EIF3H: variants seen among roughly 807,000 people sequenced by gnomAD.
EIF3H encodes eIF-3-gamma.
Under a neutral mutation model 44.2 loss-of-function variants are expected in EIF3H, and 26 were observed. That is an observed-to-expected ratio of 0.59 (90% CI 0.43 to 0.82). The LOEUF (loss-of-function observed/expected upper bound fraction) is 0.82, where lower values mean the gene tolerates loss of function less well. EIF3H is among the 40% of genes least tolerant of loss of function. EIF3H has a pLI of 0.00. For missense variants in EIF3H, 359 were observed against 432.8 expected, an observed-to-expected ratio of 0.83 and a Z score of 1.51; for synonymous variants, 166 against 151.9, an observed-to-expected ratio of 1.09 and a Z score of -0.68.
intron 2 of EIF3H, among the ~76,000 whole-genome samples, chr8:116,710,563 AATTTAAT>A (rs1424587959): frequency 6.6e-6 from 1 of 152,232 alleles, no homozygotes; most frequent in Non-Finnish European, 1.5e-5. Flanking sequence ...TCTGGTGTTA[AATTTAAT>A]ATCATTTGAT....
chr8:116,752,680 G>GAAAGAA (rs1309895049), intron 1 of EIF3H, among the ~76,000 whole-genome samples: 1 of 91,040 alleles, frequency 1.1e-5, no homozygotes, highest in Admixed American at 1.1e-4. Flanking sequence ...AAGAAAGAAA[G>GAAAGAA]AAAGAAAGAA....
chr8:116,762,599 G>A (rs1425953501), intron 1 of EIF3H, among the ~76,000 whole-genome samples: 1 of 152,162 alleles, frequency 6.6e-6, no homozygotes, highest in African/African-American at 2.4e-5. Flanking sequence ...ACATATCTTT[G>A]GCTAGAACTT....
intron 2 of EIF3H, among the ~76,000 whole-genome samples, chr8:116,715,708 A>G (rs2130907832): frequency 6.6e-6 from 1 of 152,266 alleles, no homozygotes; most frequent in East Asian, 1.9e-4. Context: ...TGTTTAATTC[A>G]GTGCACTTTA....
chr8:116,735,275 A>G (rs1671648771), intron 1 of EIF3H, among the ~76,000 whole-genome samples: 1 of 152,254 alleles, frequency 6.6e-6, no homozygotes, highest in Non-Finnish European at 1.5e-5. Flanking sequence ...AACTTGGCTG[A>G]GCCACGAAAG....
intron 5 of EIF3H, among the ~76,000 whole-genome samples, chr8:116,650,270 T>C (rs912786921): frequency 6.6e-6 from 1 of 152,140 alleles, no homozygotes; most frequent in Non-Finnish European, 1.5e-5. Flanking sequence ...AAAACACTCA[T>C]ACACTGGGAG....
intron 1 of EIF3H, among the ~76,000 whole-genome samples, chr8:116,736,656 C>T (rs963040153): frequency 2.6e-5 from 4 of 151,582 alleles, no homozygotes; most frequent in African/African-American, 9.7e-5. Context: ...AGCAAGACTC[C>T]GTCTCACAAA....
In EIF3H at chr8:116,755,823, G is replaced by C. The variant is rs776513470; in HGVS notation, c.-26C>G. ...CTTTCCAAGCAGACAGGAAGAAAGA[G>C]AAACGTGAGTTACCGGAAGCGGAAG... On this transcript the variant is annotated 5_prime_UTR_variant, in exon 1 of 8. Coordinates refer to ENST00000521861, the MANE Select transcript of EIF3H (RefSeq NM_003756.3). 1.2e-6 allele frequency: 2 copies of C among 1,610,786 alleles called. No individual in the cohort carries two copies. Among genetic ancestry groups the C allele is most frequent in the Non-Finnish European group, 1.7e-6 (2 of 1,179,872 alleles).
Position 116,726,017 on chromosome 8 carries a change from T to C in EIF3H, c.288A>G (p.Glu96=). 1 of 1,613,500 alleles carries C rather than the reference T, an allele frequency of 6.2e-7. No homozygotes were observed. The highest frequency in any genetic ancestry group is 8.5e-7 in the Non-Finnish European group (1 of 1,179,614). Reference sequence around the variant, plus strand: ...CACACTTGTGATGAACACCCTTACCTTCATCAAAGTCAGCATCATCCTCTG... The same window carrying C: ...CACACTTGTGATGAACACCCTTACCCTCATCAAAGTCAGCATCATCCTCTG... ...QHTEDDADFD[E]VQYQMEMMRS... is the part of the protein sequence containing the mutation. The change falls in exon 2 of 8, where the codon GAA becomes GAG. Residue 96 remains glutamate, a splice_region_variant and synonymous_variant. Transcript: ENST00000521861.
intron 1 of EIF3H, among the ~76,000 whole-genome samples, chr8:116,728,146 T>C (rs550983315): frequency 2.6e-5 from 4 of 152,236 alleles, no homozygotes; most frequent in East Asian, 1.9e-4. Flanking sequence ...AAACCAATTA[T>C]GAAAGAAAAA....
intron 2 of EIF3H, among the ~76,000 whole-genome samples, chr8:116,708,318 A>T (rs1814507580): frequency 6.6e-6 from 1 of 151,972 alleles, no homozygotes; most frequent in African/African-American, 2.4e-5. Flanking sequence ...ATTATTATTT[A>T]TTATTACTAT....
At chr8:116,669,328 G>A (rs946569085) in intron 2 of EIF3H, among the ~76,000 whole-genome samples, 1 of 152,154 alleles carries the variant, frequency 6.6e-6, no homozygotes, top group Non-Finnish European at 1.5e-5. Flanking sequence ...TACCATATAA[G>A]TTTCTATCTC....
At chr8:116,704,650 A>G (rs552120505) in intron 2 of EIF3H, among the ~76,000 whole-genome samples, 1 of 152,358 alleles carries the variant, frequency 6.6e-6, no homozygotes, top group South Asian at 2.1e-4. Flanking sequence ...CTCGGCGTCA[A>G]TAATCAGATA....
In EIF3H at chr8:116,644,738, C is replaced by T. The variant is rs903135006; in HGVS notation, c.*268G>A. ...ATAGGTTTCTGCCTGGTGAAACTTC[C>T]GGTCAGGGCTTGTTTTAGCTTTTAG... On this transcript the variant is annotated 3_prime_UTR_variant, in exon 8 of 8. Transcript: ENST00000521861. The T allele has an allele frequency of 1.2e-5, 4 of 347,762 alleles. No homozygotes were observed. Among genetic ancestry groups the T allele is most frequent in the Non-Finnish European group, 1.1e-5 (2 of 189,904 alleles). 21.5% of individuals were successfully genotyped at this position (347,762 alleles called of 1,614,324 possible). A position where few individuals can be genotyped will look rare whatever the true frequency, so the allele number is the denominator to read the frequency against.
intron 2 of EIF3H, among the ~76,000 whole-genome samples, chr8:116,662,321 A>G (rs974365840): frequency 2.0e-5 from 3 of 152,082 alleles, no homozygotes; most frequent in Non-Finnish European, 4.4e-5. Flanking sequence ...ACCTAAACAA[A>G]CTGCAAGTGA....
At chr8:116,686,189 C>G (rs1247855243) in intron 2 of EIF3H, among the ~76,000 whole-genome samples, 1 of 152,052 alleles carries the variant, frequency 6.6e-6, no homozygotes, top group African/African-American at 2.4e-5. Context: ...ATCACAAAAG[C>G]CTTACACAAC....
intron 2 of EIF3H, among the ~76,000 whole-genome samples, chr8:116,708,129 C>CA (rs1814502171): frequency 6.6e-6 from 1 of 151,956 alleles, no homozygotes; most frequent in Non-Finnish European, 1.5e-5. Context: ...TTGTCACTTC[C>CA]AAAAAGACGG....
intron 2 of EIF3H, among the ~76,000 whole-genome samples, chr8:116,722,171 CTGT>C (rs1814758291): frequency 6.6e-6 from 1 of 152,142 alleles, no homozygotes; most frequent in Admixed American, 6.5e-5. Flanking sequence ...TGCCCCCATA[CTGT>C]TCTTGTGGTA....
intron 2 of EIF3H, among the ~76,000 whole-genome samples, chr8:116,694,766 CAA>C (rs1236846347): frequency 1.3e-5 from 2 of 151,998 alleles, no homozygotes; most frequent in African/African-American, 2.4e-5. Context: ...TAACTTCTAC[CAA>C]AAGAAGTTTT....
intron 1 of EIF3H, among the ~76,000 whole-genome samples, chr8:116,747,839 G>A (rs1815264120): frequency 6.6e-6 from 1 of 152,064 alleles, no homozygotes; most frequent in Admixed American, 6.6e-5. Flanking sequence ...GCCTGCTGCG[G>A]TGGCTCACAC....
Sources: gnomAD v4.1 joint callset for allele counts (sites outside exome capture counted in the v4.1 genomes callset) on GRCh38, gnomAD v4.1.1 for gene constraint, MANE v1.5 for transcripts, NCBI Gene and HGNC (gene_info 2026-07-23, HGNC 2026-07-21) for gene names.